TNRC6C: variants seen among roughly 807,000 people sequenced by gnomAD.
TNRC6C encodes trinucleotide repeat-containing gene 6C protein.
Under a neutral mutation model 153.7 loss-of-function variants are expected in TNRC6C, and 20 were observed. The observed-to-expected ratio is 0.13, with a 90% CI of 0.09 to 0.19. TNRC6C has a LOEUF of 0.19. TNRC6C is among the 10% of genes least tolerant of loss of function. The pLI is 1.00. For missense variants in TNRC6C, 1,987 were observed against 2,172.0 expected (o/e 0.91, Z 1.69); for synonymous variants, 811 against 841.4 (o/e 0.96, Z 0.63).
intron 15 of TNRC6C, 101 bp downstream of exon 17, chr17:78,093,225 G>C (rs537382367): frequency 1.6e-6 from 2 of 1,275,880 alleles, no homozygotes; most frequent in South Asian, 2.9e-5. Context: ...CTGAGCTAAG[G>C]ATCTGGAAGC....
At chr17:77,964,230 T>C (rs1333856433) in intron 1 of TNRC6C, among the ~76,000 whole-genome samples, 2 of 152,228 alleles carry the variant, frequency 1.3e-5, no homozygotes, top group Non-Finnish European at 2.9e-5. Context: ...CTGAAGACCC[T>C]CTCTGTTTTT....
In TNRC6C at chr17:77,995,721, TACAC is replaced by T. The variant is rs34732155; in HGVS notation, c.-37-8434_-37-8431del. Among the ~76,000 whole-genome samples the T allele has an allele frequency of 8.7e-3, 1,313 of 150,988 alleles. 13 individuals are homozygous for T. The highest frequency in any genetic ancestry group is 0.038 in the South Asian group (184 of 4,790). On this transcript the variant is annotated intron_variant, in intron 1 of 22. Transcript: ENST00000636222. ...TTCTGTTACTTTAGCACATTTAAAG[TACAC>T]ACACACACACACACGTGTCATTATA...
At position 77,972,509 on chromosome 17, in the gene TNRC6C, C is replaced by T. The variant is rs2070947342; in HGVS notation, c.-38+13241C>T. Among the ~76,000 whole-genome samples the T allele has an allele frequency of 4.2e-5, 6 of 143,392 alleles. No individual in the cohort carries two copies. In the South Asian group the frequency reaches 1.3e-3, roughly 32 times the overall value. The allele number at this position is 143,392 out of a possible 152,430, so 94.1% of individuals were successfully genotyped here. A position where few individuals can be genotyped will look rare whatever the true frequency, so the allele number is the denominator to read the frequency against. ...CCTGGAAGACAGAGCAAGACTCTGT[C>T]TTAAAAAAAAAAAAAAAGAATGAAA... is the stretch of plus-strand genomic sequence containing the variant. On this transcript the variant is annotated intron_variant, in intron 1 of 22. Transcript: ENST00000636222.
chr17:78,055,271 C>T (rs2072630869), intron 3 of TNRC6C, among the ~76,000 whole-genome samples: 1 of 152,108 alleles, frequency 6.6e-6, no homozygotes, highest in African/African-American at 2.4e-5. Flanking sequence ...CACACGTTAG[C>T]CTAGGCCTAC....
intron 16 of TNRC6C, 141 bp downstream of exon 18, chr17:78,093,904 G>A: frequency 2.1e-6 from 2 of 950,130 alleles, no homozygotes; most frequent in Non-Finnish European, 3.0e-6. Flanking sequence ...ACCTGAAGCA[G>A]CATGAAAAGA....
At chr17:78,051,270 C>G in exon 3 of TNRC6C, 1 of 1,553,720 alleles carries the variant, frequency 6.4e-7, no homozygotes, top group Non-Finnish European at 8.7e-7. Context: ...ACCCAAGCAA[C>G]TATAACAATA....
At chr17:78,095,143 G>A (rs925468270) in intron 16 of TNRC6C, among the ~76,000 whole-genome samples, 5 of 152,234 alleles carry the variant, frequency 3.3e-5, no homozygotes, top group African/African-American at 1.2e-4. Context: ...AAGTTGCATG[G>A]CAGAGCTTCC....
chr17:77,976,550 C>T (rs1195260837), intron 1 of TNRC6C, among the ~76,000 whole-genome samples: 1 of 152,186 alleles, frequency 6.6e-6, no homozygotes, highest in East Asian at 1.9e-4. Context: ...TTGGATTCTT[C>T]ATCGCTGAAG....
At chr17:77,965,776 G>A (rs2070892299) in intron 1 of TNRC6C, among the ~76,000 whole-genome samples, 1 of 152,214 alleles carries the variant, frequency 6.6e-6, no homozygotes, top group Non-Finnish European at 1.5e-5. Context: ...TCATTATATA[G>A]CTGTATACTG....
At chr17:77,971,981 C>G (rs543573877) in intron 1 of TNRC6C, among the ~76,000 whole-genome samples, 32 of 151,742 alleles carry the variant, frequency 2.1e-4, no homozygotes, top group African/African-American at 7.3e-4. Context: ...AGAAAGATCA[C>G]AGATCAGTCA....
chr17:77,964,154 T>A (rs1567892306), intron 1 of TNRC6C, among the ~76,000 whole-genome samples: 1 of 152,198 alleles, frequency 6.6e-6, no homozygotes, highest in Non-Finnish European at 1.5e-5. Flanking sequence ...AAATTTTTAA[T>A]TTTTTTGCAC....
chr17:77,961,020 A>G (rs1397624107), intron 1 of TNRC6C, among the ~76,000 whole-genome samples: 1 of 152,180 alleles, frequency 6.6e-6, no homozygotes, highest in Non-Finnish European at 1.5e-5. Context: ...TGAGAAATTG[A>G]TAGCTCAGAA....
chr17:78,005,004 A>C, upstream of TNRC6C: 1 of 1,171,758 alleles, frequency 8.5e-7, no homozygotes, highest in Non-Finnish European at 1.1e-6. Flanking sequence ...TACATTCTAC[A>C]CATTATTCCT....
At chr17:78,051,583 C>A in intron 3 of TNRC6C, 135 bp downstream of exon 5, 1 of 997,526 alleles carries the variant, frequency 1.0e-6, no homozygotes, top group Non-Finnish European at 1.3e-6. Flanking sequence ...TTCCCTATCA[C>A]CGTGCAATAT....
chr17:78,084,590 C>A (rs1454109537), intron 11 of TNRC6C, among the ~76,000 whole-genome samples: 1 of 151,698 alleles, frequency 6.6e-6, no homozygotes, highest in Admixed American at 6.6e-5. Context: ...CAAGGCTTGG[C>A]CCTCAGAGAC....
At chr17:78,028,073 T>G (rs1179253368) in intron 1 of TNRC6C, among the ~76,000 whole-genome samples, 1 of 152,232 alleles carries the variant, frequency 6.6e-6, no homozygotes, top group East Asian at 1.9e-4. Context: ...TTTTTTTTTG[T>G]ATTTTTAGTA....
intron 11 of TNRC6C, among the ~76,000 whole-genome samples, chr17:78,084,474 C>A (rs1297956233): frequency 2.6e-5 from 4 of 151,964 alleles, no homozygotes; most frequent in Non-Finnish European, 5.9e-5. Flanking sequence ...TTTCTGTAAG[C>A]AGCAGGGGAG....
At chr17:78,065,970 C>T (rs996910003) in intron 4 of TNRC6C, among the ~76,000 whole-genome samples, 9 of 152,110 alleles carry the variant, frequency 5.9e-5, no homozygotes, top group African/African-American at 2.2e-4. Flanking sequence ...GTAGCTCACG[C>T]CTGTAATCTC....
At chr17:78,092,792 C>G in intron 14 of TNRC6C, 141 bp from the exon 17 acceptor site, 1 of 618,928 alleles carries the variant, frequency 1.6e-6, no homozygotes, top group Non-Finnish European at 2.8e-6. Flanking sequence ...CTAGACAGAC[C>G]AAGTCTTACA....
Sources: allele counts gnomAD v4.1 joint callset (sites outside exome capture counted in the v4.1 genomes callset), GRCh38; gene constraint gnomAD v4.1.1; transcripts MANE v1.5; gene names NCBI Gene and HGNC (gene_info 2026-07-23, HGNC 2026-07-21).